Variants in CCDC187 observed in about 807,000 individuals in gnomAD.
CCDC187 encodes coiled-coil domain-containing protein 187.
Under a neutral mutation model 38.0 loss-of-function variants are expected in CCDC187, and 32 were observed. The observed-to-expected ratio is 0.84, with a 90% CI of 0.64 to 1.13. The LOEUF (loss-of-function observed/expected upper bound fraction) is 1.13, where lower values mean the gene tolerates loss of function less well. CCDC187 is among the 50% of genes most tolerant of loss of function. The pLI, the probability that CCDC187 is intolerant of heterozygous loss-of-function variation, is 0.00. For missense variants in CCDC187, 707 were observed against 786.8 expected, an observed-to-expected ratio of 0.90 and a Z score of 1.21; for synonymous variants, 333 against 347.9, an observed-to-expected ratio of 0.96 and a Z score of 0.48.
intron 14 of CCDC187, among the ~76,000 whole-genome samples, chr9:136,271,853 T>C (rs917654732): frequency 6.6e-6 from 1 of 152,112 alleles, no homozygotes; most frequent in Non-Finnish European, 1.5e-5. Context: ...GTGATCCACC[T>C]GCCTGGGCCT....
chr9:136,271,097 A>G (rs920705283), intron 14 of CCDC187, among the ~76,000 whole-genome samples: 7 of 152,194 alleles, frequency 4.6e-5, no homozygotes, highest in Admixed American at 3.3e-4. Flanking sequence ...TGCCCACATA[A>G]TTGGAGTCCC....
At chr9:136,300,599 CTT>C (rs878935448) in intron 2 of CCDC187, among the ~76,000 whole-genome samples, 2,016 of 142,400 alleles carry the variant, frequency 0.014, 22 homozygotes, top group Non-Finnish European at 0.022. Context: ...TTTCAAAAGA[CTT>C]TTTTTTTTTT....
intron 12 of CCDC187, among the ~76,000 whole-genome samples, chr9:136,275,414 CGG>C (rs1830912575): frequency 6.6e-6 from 1 of 151,984 alleles, no homozygotes; most frequent in Non-Finnish European, 1.5e-5. Context: ...CTGTTGCTGT[CGG>C]TCTGAGGCTG....
intron 10 of CCDC187, 71 bp from the exon 11 acceptor site, chr9:136,276,798 A>G (rs879200280): frequency 0.36 from 55,480 of 152,104 alleles, 10,499 homozygotes; most frequent in Middle Eastern, 0.52. Context: ...CCGCTGCCTT[A>G]GTGCACCATG....
intron 14 of CCDC187, 75 bp from the exon 15 acceptor site, chr9:136,268,200 G>C: frequency 1.1e-6 from 1 of 927,342 alleles, no homozygotes; most frequent in Non-Finnish European, 1.3e-6. Flanking sequence ...TTCTACCGGA[G>C]GGCCTCATAA....
chr9:136,297,799 C>G lies in CCDC187; in HGVS notation c.747G>C (p.Arg249Ser), dbSNP rs1225505937. 5.0e-6 allele frequency: 2 copies of G among 398,416 alleles called. No homozygotes were observed. The highest frequency in any genetic ancestry group is 2.1e-5 in the African/African-American group (1 of 48,618). 24.7% of individuals were successfully genotyped at this position (398,416 alleles called of 1,614,324 possible). A position where few individuals can be genotyped will look rare whatever the true frequency, so the allele number is the denominator to read the frequency against. Residue 249 changes from arginine to serine, a missense_variant, in exon 4 of 26, where the codon AGG becomes AGC. Physicochemically the swap from Arg to Ser is moderately radical, Grantham distance 110. Transcript: ENST00000638797. ...CTCTTTTGCAAGAACTGCTTTTGAC[C>G]CTTTTGGGTTTTTCCCTCAGAACTT... is the stretch of plus-strand genomic sequence containing the variant. ...QVPVLREKPKRVKSSSCKREK... is the reference protein window; with the variant it reads ...QVPVLREKPKSVKSSSCKREK...
upstream of CCDC187, among the ~76,000 whole-genome samples, chr9:136,306,232 C>G (rs997798139): frequency 0.069 from 10,583 of 152,300 alleles, 420 homozygotes; most frequent in African/African-American, 0.11. Context: ...CCAGCCACAT[C>G]CCCACCCTAC....
At chr9:136,283,181 G>A (rs1363111287) in intron 9 of CCDC187, among the ~76,000 whole-genome samples, 7 of 152,212 alleles carry the variant, frequency 4.6e-5, no homozygotes, top group East Asian at 1.9e-4. Context: ...CTTGGGAGGC[G>A]GAGGTTGCAG....
intron 25 of CCDC187, 68 bp downstream of exon 25, chr9:136,255,589 G>T: frequency 1.4e-6 from 1 of 725,846 alleles, no homozygotes; most frequent in Non-Finnish European, 1.7e-6. Context: ...CTCTGATGTA[G>T]AAATGGCTTG....
intron 7 of CCDC187, 42 bp downstream of exon 7, chr9:136,289,917 G>A: frequency 5.3e-6 from 2 of 378,576 alleles, no homozygotes; most frequent in Non-Finnish European, 9.3e-6. Flanking sequence ...CCCCCCCCAA[G>A]GCCCCGCCCG....
At position 136,291,577 on chromosome 9, in the gene CCDC187, C is replaced by T. The variant is rs1425500785; in HGVS notation, c.1036G>A (p.Ala346Thr). The stretch of plus-strand genomic sequence containing the variant: ...CCAGACACCTGCTGGTCACTGTAGG[C>T]GGAGGTGGCATCGGGCAACTGGGCA... ...VCAQLPDATSAYSDQQVSGNT... is the reference protein window; with the variant it reads ...VCAQLPDATSTYSDQQVSGNT... The change falls in exon 6 of 26, where the codon GCC (alanine) becomes ACC (threonine). Residue 346 changes from alanine to threonine, a missense_variant. Physicochemically the swap from Ala to Thr is moderately conservative, Grantham distance 58. Coordinates refer to ENST00000638797, the MANE Select transcript of CCDC187 (RefSeq NM_001378188.1). The T allele has an allele frequency of 1.3e-5, 5 of 398,636 alleles. No individual in the cohort carries two copies. Among genetic ancestry groups the T allele is most frequent in the Non-Finnish European group, 2.2e-5 (5 of 226,158 alleles). The allele number at this position is 398,636 out of a possible 1,614,324, so 24.7% of individuals were successfully genotyped here.
chr9:136,268,737 A>G (rs1830790547), intron 14 of CCDC187, among the ~76,000 whole-genome samples: 2 of 152,154 alleles, frequency 1.3e-5, no homozygotes, highest in East Asian at 1.9e-4. Context: ...GTGTATACAT[A>G]TATATATATT....
chr9:136,306,465 C>T (rs1202080486), upstream of CCDC187, among the ~76,000 whole-genome samples: 2 of 152,196 alleles, frequency 1.3e-5, no homozygotes, highest in East Asian at 1.9e-4. Flanking sequence ...CACACACTGG[C>T]GTGCAGATGC....
chr9:136,259,362 C>T lies in CCDC187; in HGVS notation c.4296+1G>A, dbSNP rs1160057837. 44 of 982,000 alleles carry T rather than the reference C, an allele frequency of 4.5e-5. No individual in the cohort carries two copies. The highest frequency in any genetic ancestry group is 2.4e-4 in the South Asian group (5 of 21,132). The allele number at this position is 982,000 out of a possible 1,614,324, so 60.8% of individuals were successfully genotyped here. The stretch of plus-strand genomic sequence containing the variant: ...AAAGGGCTTCCAGGGAGAGTGCGTA[C>T]GGGAAAGGCTGGGCCCAGCCGCTGT... On this transcript the variant is annotated splice_donor_variant, in intron 21 of 25. Transcript: ENST00000638797. LOFTEE classifies it high-confidence loss of function.
In CCDC187 at chr9:136,303,904, C is replaced by T. The variant is rs1176353730; in HGVS notation, c.-74G>A. ...CTGCCTGGGGTCGCTGCTGCCTTCA[C>T]ATGGCGGCTTCGAGGCCTGCAGCCC... On this transcript the variant is annotated 5_prime_UTR_variant, in exon 1 of 26. It adds an upstream start codon to the 5' untranslated region. Transcript: ENST00000638797. 6.6e-6 allele frequency: 1 copy of T among 152,430 alleles called. No homozygotes were observed. Among genetic ancestry groups the T allele is most frequent in the African/African-American group, 2.4e-5 (1 of 41,458 alleles). The allele number at this position is 152,430 out of a possible 1,614,324, so 9.4% of individuals were successfully genotyped here. A position where few individuals can be genotyped will look rare whatever the true frequency, so the allele number is the denominator to read the frequency against.
In CCDC187 at chr9:136,303,763, T is replaced by C. The variant is rs1203375088; in HGVS notation, c.68A>G (p.Asn23Ser). The C allele has an allele frequency of 6.6e-6, 1 of 152,306 alleles. No homozygotes were observed. Among genetic ancestry groups the C allele is most frequent in the Non-Finnish European group, 1.5e-5 (1 of 68,096 alleles). The allele number at this position is 152,306 out of a possible 1,614,324, so 9.4% of individuals were successfully genotyped here. A position where few individuals can be genotyped will look rare whatever the true frequency, so the allele number is the denominator to read the frequency against. ...GGAGAAGGGGCCCTGCCTCTGGCTGTTCTTGTGGCAGGGCTGAGGTGTGTC... is the reference window on the plus strand; with the variant it reads ...GGAGAAGGGGCCCTGCCTCTGGCTGCTCTTGTGGCAGGGCTGAGGTGTGTC... ...LGDTPQPCHK[N>S]SQRQGPFSHG... Residue 23 changes from asparagine (N) to serine (S), a missense_variant, in exon 1 of 26, where the codon AAC becomes AGC. By Grantham distance (46) the Asn-to-Ser change is conservative (BLOSUM62 1). Transcript: ENST00000638797.
At chr9:136,260,660 C>T (rs1016686816) in intron 19 of CCDC187, among the ~76,000 whole-genome samples, 7 of 152,212 alleles carry the variant, frequency 4.6e-5, no homozygotes, top group African/African-American at 1.4e-4. Flanking sequence ...GCCTGCCCGG[C>T]GACACGTCGT....
At chr9:136,298,333 C>T (rs1831585775) in intron 3 of CCDC187, among the ~76,000 whole-genome samples, 1 of 152,146 alleles carries the variant, frequency 6.6e-6, no homozygotes, top group Admixed American at 6.5e-5. Context: ...CCTGGGGGGG[C>T]CTTGGCACCA....
At chr9:136,289,923 G>A (rs889807735) in intron 7 of CCDC187, 36 bp downstream of exon 7, 12 of 361,044 alleles carry the variant, frequency 3.3e-5, no homozygotes, top group Middle Eastern at 7.0e-4. Flanking sequence ...CCAAGGCCCC[G>A]CCCGGCATGT....
Sources: allele counts gnomAD v4.1 joint callset (sites outside exome capture counted in the v4.1 genomes callset), GRCh38; gene constraint gnomAD v4.1.1; transcripts MANE v1.5; gene names NCBI Gene and HGNC (gene_info 2026-07-23, HGNC 2026-07-21).